ZSCAN5A: variants seen among roughly 807,000 people sequenced by gnomAD.
ZSCAN5A encodes zinc finger and SCAN domain-containing protein 5A.
A neutral mutation model predicts 23.7 loss-of-function variants in ZSCAN5A; 12 were observed. The ratio of observed to expected loss-of-function variants is 0.51; its 90% CI spans 0.32 to 0.82. The LOEUF is 0.82. Ranked by LOEUF, ZSCAN5A falls within the 40% of genes least tolerant of loss-of-function variation. The probability of loss-of-function intolerance (pLI) is 0.03; values close to 1 mark genes in which losing one functional copy is unlikely to be tolerated. For missense variants in ZSCAN5A, 597 were observed against 617.9 expected (o/e 0.97, Z 0.36); for synonymous variants, 257 against 239.9 (o/e 1.07, Z -0.66).
chr19:56,242,736 T>C (rs1427165938), intron 2 of ZSCAN5A, among the ~76,000 whole-genome samples: 1 of 152,174 alleles, frequency 6.6e-6, no homozygotes, highest in Non-Finnish European at 1.5e-5. Flanking sequence ...TCCTGCCTAA[T>C]GAAACTACAT....
At chr19:56,241,452 T>A (rs1465668082) in intron 2 of ZSCAN5A, among the ~76,000 whole-genome samples, 2 of 152,202 alleles carry the variant, frequency 1.3e-5, no homozygotes, top group Non-Finnish European at 2.9e-5. Context: ...AAAAATTAAT[T>A]TGCTTTCAAA....
chr19:56,281,965 C>CTT (rs2038744953), intron 2 of ZSCAN5A, among the ~76,000 whole-genome samples: 2 of 152,144 alleles, frequency 1.3e-5, no homozygotes, highest in Non-Finnish European at 2.9e-5. Flanking sequence ...AGAAAGAGAA[C>CTT]CTGTGTGGTG....
chr19:56,242,998 C>T (rs532647691), intron 2 of ZSCAN5A, among the ~76,000 whole-genome samples: 8 of 152,214 alleles, frequency 5.3e-5, no homozygotes, highest in Admixed American at 3.3e-4. Flanking sequence ...AGGCTGGTCT[C>T]GAACTCCTGA....
At chr19:56,353,760 T>C (rs1186112127) in intron 2 of ZSCAN5A, among the ~76,000 whole-genome samples, 28 of 151,902 alleles carry the variant, frequency 1.8e-4, no homozygotes, top group Admixed American at 1.1e-3. Context: ...CCAGCCTGGG[T>C]GACAGAGCGA....
At chr19:56,285,632 T>C (rs182709501) in intron 2 of ZSCAN5A, among the ~76,000 whole-genome samples, 2 of 152,142 alleles carry the variant, frequency 1.3e-5, no homozygotes, top group East Asian at 1.9e-4. Flanking sequence ...TTTTAATTTT[T>C]AAATTATTAT....
At chr19:56,358,097 C>A (rs2041709660) in intron 2 of ZSCAN5A, among the ~76,000 whole-genome samples, 1 of 148,748 alleles carries the variant, frequency 6.7e-6, no homozygotes, top group African/African-American at 2.5e-5. Context: ...AATACAGGAG[C>A]ACCCAGATTC....
chr19:56,282,457 G>C, intron 2 of ZSCAN5A: 1 of 984,760 alleles, frequency 1.0e-6, no homozygotes, highest in Non-Finnish European at 1.2e-6. Context: ...GGCTACCATC[G>C]GTCCTGTCCT....
intron 2 of ZSCAN5A, among the ~76,000 whole-genome samples, chr19:56,353,876 G>T (rs547853158): frequency 1.3e-5 from 2 of 152,204 alleles, no homozygotes; most frequent in African/African-American, 4.8e-5. Context: ...ACAGCCCAAA[G>T]GTGGAAGCAG....
At chr19:56,325,036 A>G (rs1381681640) in intron 2 of ZSCAN5A, among the ~76,000 whole-genome samples, 1 of 152,112 alleles carries the variant, frequency 6.6e-6, no homozygotes, top group Non-Finnish European at 1.5e-5. Context: ...GAGACCTCTC[A>G]TTTTCTGTGC....
chr19:56,340,631 C>T (rs2041585018), intron 2 of ZSCAN5A, among the ~76,000 whole-genome samples: 1 of 152,120 alleles, frequency 6.6e-6, no homozygotes, highest in Non-Finnish European at 1.5e-5. Flanking sequence ...TTTCTGAAAT[C>T]CTGTTTTTAT....
intron 2 of ZSCAN5A, among the ~76,000 whole-genome samples, chr19:56,268,743 T>A (rs1192778565): frequency 6.6e-6 from 1 of 152,080 alleles, no homozygotes; most frequent in Non-Finnish European, 1.5e-5. Context: ...TAAAACACTT[T>A]CCTTACCCCT....
At chr19:56,248,540 G>T (rs2036118514) in intron 2 of ZSCAN5A, among the ~76,000 whole-genome samples, 1 of 152,076 alleles carries the variant, frequency 6.6e-6, no homozygotes, top group Admixed American at 6.5e-5. Flanking sequence ...ACGGGTGTGA[G>T]CCACTGCATC....
Position 56,225,070 on chromosome 19 carries a change from A to G in ZSCAN5A, c.-24T>C. ...ATATCTAGTGGAGAATTTTTTAATC[A>G]GTCTCTGAGAAAGCTCTTCCAGTAG... On this transcript the variant is annotated 5_prime_UTR_variant, in exon 3 of 6. Transcript: ENST00000683990. 7 of 1,553,296 alleles carry G rather than the reference A, an allele frequency of 4.5e-6. No individual in the cohort carries two copies. The highest frequency in any genetic ancestry group is 6.1e-6 in the Non-Finnish European group (7 of 1,151,100).
chr19:56,366,334 C>T (rs917417503), intron 1 of ZSCAN5A, among the ~76,000 whole-genome samples: 1 of 148,174 alleles, frequency 6.7e-6, no homozygotes, highest in Non-Finnish European at 1.5e-5. Flanking sequence ...CCCAGCTACT[C>T]GGGAAGCTGA....
intron 2 of ZSCAN5A, among the ~76,000 whole-genome samples, chr19:56,335,971 T>A (rs2041531823): frequency 1.3e-5 from 2 of 152,252 alleles, no homozygotes; most frequent in Non-Finnish European, 2.9e-5. Context: ...TCTGATGGGC[T>A]TCCCTTTGTG....
chr19:56,323,096 T>C (rs1019897249), intron 2 of ZSCAN5A, among the ~76,000 whole-genome samples: 1 of 151,994 alleles, frequency 6.6e-6, no homozygotes, highest in African/African-American at 2.4e-5. Flanking sequence ...GGGTTTCACC[T>C]TGTTAGCCAG....
chr19:56,333,391 C>T (rs1026247948), intron 2 of ZSCAN5A, among the ~76,000 whole-genome samples: 1 of 151,004 alleles, frequency 6.6e-6, no homozygotes, highest in African/African-American at 2.4e-5. Context: ...TTCAAAAGAC[C>T]AGACTTCAAT....
intron 2 of ZSCAN5A, among the ~76,000 whole-genome samples, chr19:56,328,396 A>G (rs1319613214): frequency 6.6e-6 from 1 of 152,164 alleles, no homozygotes; most frequent in Admixed American, 6.5e-5. Context: ...CTGTGATCCC[A>G]GCACTTTGGG....
chr19:56,263,605 C>T (rs1046590412), intron 2 of ZSCAN5A: 2 of 152,142 alleles, frequency 1.3e-5, no homozygotes, highest in Non-Finnish European at 2.9e-5. Context: ...ATGTTCTAAA[C>T]GACGCAATCA....
Sources: allele counts gnomAD v4.1 joint callset (sites outside exome capture counted in the v4.1 genomes callset), GRCh38; gene constraint gnomAD v4.1.1; transcripts MANE v1.5; gene names NCBI Gene and HGNC (gene_info 2026-07-23, HGNC 2026-07-21).